STRN: variants seen among roughly 807,000 people sequenced by gnomAD.
The protein encoded by STRN is striatin, also known as protein phosphatase 2 regulatory subunit B'''alpha.
In STRN, 53 loss-of-function variants were observed where a neutral mutation model predicts 96.3. That is an observed-to-expected ratio of 0.55 (90% confidence interval 0.44 to 0.69). STRN has a LOEUF of 0.69. Ranked by LOEUF, STRN falls within the 30% of genes least tolerant of loss-of-function variation. STRN has a pLI of 0.00. For synonymous variants in STRN, 428 were observed against 355.9 expected (o/e 1.20, Z -2.28); for missense variants, 987 against 963.9 (o/e 1.02, Z -0.32).
chr2:36,966,188 A>C (rs1448038613), intron 1 of STRN, 42 bp downstream of exon 1: 1 of 1,496,796 alleles, frequency 6.7e-7, no homozygotes, highest in East Asian at 2.7e-5. Context: ...GGAAGGGAGC[A>C]AAGAGGCGGG....
intron 1 of STRN, among the ~76,000 whole-genome samples, chr2:36,952,777 G>A (rs1301911812): frequency 6.6e-6 from 1 of 152,188 alleles, no homozygotes; most frequent in Non-Finnish European, 1.5e-5. Context: ...TCCCCTGGCT[G>A]ACTCTACTTT....
At chr2:36,945,706 T>C (rs1572693862) in intron 1 of STRN, among the ~76,000 whole-genome samples, 1 of 151,872 alleles carries the variant, frequency 6.6e-6, no homozygotes, top group East Asian at 1.9e-4. Context: ...AAATAAAATA[T>C]TAACAAAACA....
rs375649141 is a variant in STRN at position 36,883,967 on chromosome 2, C to T, written c.1151G>A (p.Arg384Lys). The change falls in exon 9 of 18, where the codon AGG becomes AAG. Residue 384 changes from arginine to lysine, a missense_variant. Arg to Lys is a conservative substitution (Grantham distance 26). Coordinates refer to ENST00000263918, the MANE Select transcript of STRN (RefSeq NM_003162.4). ...CCTATTAATTTCATGTTCAGGAAGCCTGGAGCTGCTGGGTCTGGAAGGTGA... is the reference window on the plus strand; with the variant it reads ...CCTATTAATTTCATGTTCAGGAAGCTTGGAGCTGCTGGGTCTGGAAGGTGA... ...VGSPSRPSSS[R>K]LPEHEINRAD... The T allele has an allele frequency of 4.5e-5, 64 of 1,425,578 alleles. No individual in the cohort carries two copies. Among genetic ancestry groups the T allele is most frequent in the Admixed American group, 7.5e-5 (3 of 39,978 alleles). The allele number at this position is 1,425,578 out of a possible 1,614,324, so 88.3% of individuals were successfully genotyped here.
chr2:36,945,349 C>G lies in STRN; in HGVS notation c.235-20141G>C, dbSNP rs183987558. Among the ~76,000 whole-genome samples, 880 of 152,188 alleles carry G rather than the reference C, an allele frequency of 5.8e-3. 4 individuals are homozygous for G. Among genetic ancestry groups the G allele is most frequent in the Middle Eastern group, 0.014 (4 of 294 alleles). On this transcript the variant is annotated intron_variant, in intron 1 of 17. Coordinates refer to ENST00000263918, the MANE Select transcript of STRN (RefSeq NM_003162.4). The stretch of plus-strand genomic sequence containing the variant: ...GTACCTGAGTTCAAAATAACATTAT[C>G]AAAAATACATAATGACTTTATATTT...
At position 36,865,060 on chromosome 2, in the gene STRN, G is replaced by T. The variant is rs1668588023; in HGVS notation, c.1547+2754C>A. The stretch of plus-strand genomic sequence containing the variant: ...AATAGTTTTAGTAGGAATGGCGCCA[G>T]TTGTTCTTTATGCGTTAGGTAGAAT... On this transcript the variant is annotated intron_variant, in intron 12 of 17. Transcript: ENST00000263918. Among the ~76,000 whole-genome samples the T allele has an allele frequency of 2.6e-5, 4 of 152,190 alleles. No homozygotes were observed. In the South Asian group the frequency reaches 8.3e-4, roughly 31 times the overall value.
chr2:36,867,684 C>A, intron 12 of STRN, 130 bp downstream of exon 12: 1 of 530,672 alleles, frequency 1.9e-6, no homozygotes, highest in Non-Finnish European at 3.1e-6. Flanking sequence ...TATTATCTGT[C>A]AAATTCTTTT....
intron 2 of STRN, among the ~76,000 whole-genome samples, chr2:36,924,473 A>C (rs1443585487): frequency 6.6e-6 from 1 of 152,176 alleles, no homozygotes; most frequent in Non-Finnish European, 1.5e-5. Context: ...GAAACACTAT[A>C]GAAATTTCCT....
chr2:36,892,681 C>T (rs1342730077), intron 7 of STRN, among the ~76,000 whole-genome samples: 2 of 152,030 alleles, frequency 1.3e-5, no homozygotes, highest in African/African-American at 4.8e-5. Flanking sequence ...CCAACAGATC[C>T]CTATCCTCTT....
chr2:36,941,716 A>ATTTTTTTTTTTTTTTT (rs34746648), intron 1 of STRN, among the ~76,000 whole-genome samples: 12 of 134,844 alleles, frequency 8.9e-5, no homozygotes, highest in African/African-American at 3.4e-4. Context: ...CACCCAGCTA[A>ATTTTTTTTTTTTTTTT]TTTTTTTTTT....
At position 36,961,286 on chromosome 2, in the gene STRN, T is replaced by A. The variant is rs550399647; in HGVS notation, c.234+4944A>T. On this transcript the variant is annotated intron_variant, in intron 1 of 17. Transcript: ENST00000263918. The stretch of plus-strand genomic sequence containing the variant: ...GGACTAACCCGGCTAATTAAAAAAA[T>A]TTTTTTTTCTGGAGATGGGGTTTTG... 5.8e-4 allele frequency among the ~76,000 whole-genome samples: 78 copies of A among 133,966 alleles called. 1 individual carries two copies. The South Asian group carries it at 0.013, about 23-fold the overall frequency. 87.9% of individuals were successfully genotyped at this position (133,966 alleles called of 152,430 possible). A position where few individuals can be genotyped will look rare whatever the true frequency, so the allele number is the denominator to read the frequency against.
chr2:36,850,601 A>G (rs547422287), intron 16 of STRN, among the ~76,000 whole-genome samples: 1 of 152,346 alleles, frequency 6.6e-6, no homozygotes, highest in Admixed American at 6.5e-5. Context: ...CTATTCAATA[A>G]CTGAACAACT....
At chr2:36,933,479 G>A (rs1252906343) in intron 1 of STRN, among the ~76,000 whole-genome samples, 2 of 152,204 alleles carry the variant, frequency 1.3e-5, no homozygotes, top group African/African-American at 4.8e-5. Flanking sequence ...TTTACGGTAT[G>A]AGACAGTATG....
rs1385001551 is a variant in STRN at position 36,845,721 on chromosome 2, C to T, written c.*3735G>A. 6.6e-6 allele frequency: 1 copy of T among 152,012 alleles called. No homozygotes were observed. The highest frequency in any genetic ancestry group is 2.4e-5 in the African/African-American group (1 of 41,386). The allele number at this position is 152,012 out of a possible 1,614,324, so 9.4% of individuals were successfully genotyped here. Reference sequence around the variant, plus strand: ...ATAATTAAAGAATAGCTATTGTTTTCTCTACTGAAATTTCTAGGAATTCAC... The same window carrying T: ...ATAATTAAAGAATAGCTATTGTTTTTTCTACTGAAATTTCTAGGAATTCAC... On this transcript the variant is annotated 3_prime_UTR_variant, in exon 18 of 18. Coordinates refer to ENST00000263918, the MANE Select transcript of STRN (RefSeq NM_003162.4).
intron 1 of STRN, among the ~76,000 whole-genome samples, chr2:36,940,260 T>A (rs1228858142): frequency 1.3e-5 from 2 of 152,126 alleles, no homozygotes; most frequent in African/African-American, 4.8e-5. Context: ...AGAAATAATT[T>A]TAAAAAGGTT....
At chr2:36,899,046 C>T (rs1408199914) in intron 6 of STRN, among the ~76,000 whole-genome samples, 1 of 152,120 alleles carries the variant, frequency 6.6e-6, no homozygotes, top group Non-Finnish European at 1.5e-5. Context: ...AGCTTATCAA[C>T]ATCTGAACAA....
chr2:36,914,439 AAT>A, intron 3 of STRN, among the ~76,000 whole-genome samples: 1 of 152,348 alleles, frequency 6.6e-6, no homozygotes, highest in Middle Eastern at 3.4e-3. Context: ...GTTTTTAACA[AAT>A]AGCCTAGATT....
At chr2:36,910,272 A>C (rs1395346052) in intron 3 of STRN, among the ~76,000 whole-genome samples, 1 of 151,872 alleles carries the variant, frequency 6.6e-6, no homozygotes, top group Admixed American at 6.6e-5. Context: ...GAAGACTTTA[A>C]GGTTGAAGGA....
chr2:36,853,065 G>A (rs916383415), intron 15 of STRN, among the ~76,000 whole-genome samples: 2 of 152,150 alleles, frequency 1.3e-5, no homozygotes, highest in Non-Finnish European at 2.9e-5. Flanking sequence ...GCTGAGGCAG[G>A]AGAATCGCTT....
At chr2:36,930,408 G>T (rs1260861060) in intron 1 of STRN, among the ~76,000 whole-genome samples, 1 of 150,994 alleles carries the variant, frequency 6.6e-6, no homozygotes, top group East Asian at 2.0e-4. Flanking sequence ...CTCCAGAATG[G>T]GCAACAGAGC....
Sources: gnomAD v4.1 joint callset for allele counts (sites outside exome capture counted in the v4.1 genomes callset) on GRCh38, gnomAD v4.1.1 for gene constraint, MANE v1.5 for transcripts, NCBI Gene and HGNC (gene_info 2026-07-23, HGNC 2026-07-21) for gene names.